The following PSMD7 variants were observed in gnomAD, a reference collection of about 807,000 sequenced individuals.
PSMD7 encodes the protein proteasome 26S subunit, non-ATPase 7.
A neutral mutation model predicts 36.4 loss-of-function variants in PSMD7; 13 were observed. The ratio of observed to expected loss-of-function variants is 0.36; its 90% CI spans 0.23 to 0.57. The LOEUF (loss-of-function observed/expected upper bound fraction) is 0.57. Among genes scored for constraint, PSMD7 ranks in the 20% least tolerant of loss-of-function variants. PSMD7 has a pLI of 0.83. For missense variants in PSMD7, 298 were observed against 393.6 expected (o/e 0.76, Z 2.06); for synonymous variants, 186 against 151.0 (o/e 1.23, Z -1.70).
chr16:74,301,360 T>C (rs955976922), intron 3 of PSMD7, among the ~76,000 whole-genome samples, 195 bp from the exon 4 acceptor site: 1 of 151,862 alleles, frequency 6.6e-6, no homozygotes. Flanking sequence ...GGAAATAACC[T>C]CTCATTGCGG....
At chr16:74,300,611 C>A (rs554704819) in intron 2 of PSMD7, 59 of 245,488 alleles carry the variant, frequency 2.4e-4, no homozygotes, top group African/African-American at 1.3e-3. Context: ...TGAATCCTTA[C>A]AAGAACGTAC....
intron 2 of PSMD7, 151 bp downstream of exon 2, chr16:74,300,357 T>A: frequency 1.5e-6 from 1 of 672,780 alleles, no homozygotes; most frequent in South Asian, 1.9e-5. Flanking sequence ...GATTGCACAC[T>A]AGACCAGACA....
At chr16:74,298,281 T>C (rs866852306) in intron 1 of PSMD7, among the ~76,000 whole-genome samples, 1 of 152,242 alleles carries the variant, frequency 6.6e-6, no homozygotes, top group East Asian at 1.9e-4. Context: ...CTCTTGGCTT[T>C]GGAGTTGTTC....
At chr16:74,304,748 GGA>G (rs2034182309) in intron 6 of PSMD7, 1 of 179,932 alleles carries the variant, frequency 5.6e-6, no homozygotes, top group African/African-American at 2.4e-5. Context: ...CCCATTTTCT[GGA>G]GAGAATCTTC....
At chr16:74,299,018 C>A (rs528031895) in intron 1 of PSMD7, among the ~76,000 whole-genome samples, 3 of 150,962 alleles carry the variant, frequency 2.0e-5, no homozygotes, top group Non-Finnish European at 4.4e-5. Context: ...CTTACCCCCC[C>A]ACCCCCAAAA....
At chr16:74,304,437 G>A in intron 6 of PSMD7, 43 bp downstream of exon 6, 1 of 1,551,462 alleles carries the variant, frequency 6.4e-7, no homozygotes, top group Non-Finnish European at 8.9e-7. Flanking sequence ...CTGCCCGAGA[G>A]GTCACACAGT....
intron 1 of PSMD7, chr16:74,299,658 T>C (rs1305460062): frequency 2.3e-6 from 1 of 426,822 alleles, no homozygotes. Flanking sequence ...CCTCTCGAAG[T>C]GCTGGGATTA....
chr16:74,301,686 ATTT>A (rs749922941), intron 4 of PSMD7, 34 bp downstream of exon 4: 1 of 1,560,950 alleles, frequency 6.4e-7, no homozygotes, highest in African/African-American at 1.4e-5. Context: ...CTCTTGAATG[ATTT>A]TTTTTGCCAG....
intron 1 of PSMD7, among the ~76,000 whole-genome samples, chr16:74,297,241 C>T (rs1427878839): frequency 1.3e-5 from 2 of 152,256 alleles, no homozygotes; most frequent in Admixed American, 6.5e-5. Context: ...TACAGAGTTC[C>T]CTTTCCGAGT....
At chr16:74,298,524 C>T (rs1369741010) in intron 1 of PSMD7, among the ~76,000 whole-genome samples, 1 of 152,174 alleles carries the variant, frequency 6.6e-6, no homozygotes, top group Non-Finnish European at 1.5e-5. Context: ...CCATGGGATA[C>T]TAGGGGCAGG....
chr16:74,301,597 T>C lies in PSMD7; in HGVS notation c.302T>C (p.Leu101Pro). 1.2e-6 allele frequency: 2 copies of C among 1,613,918 alleles called. No individual in the cohort carries two copies. Among genetic ancestry groups the C allele is most frequent in the South Asian group, 1.1e-5 (1 of 91,074 alleles). Residue 101 changes from leucine to proline, a missense_variant, in exon 4 of 7, where the codon CTA becomes CCA. Coordinates refer to ENST00000219313, the MANE Select transcript of PSMD7 (RefSeq NM_002811.5). ...GGCTGGTACCACACAGGCCCTAAAC[T>C]ACACAAGAATGACATTGCCATCAAC... The part of the protein sequence containing the change: ...IVGWYHTGPK[L>P]HKNDIAINEL...
chr16:74,306,155 T>A lies in PSMD7; in HGVS notation c.*422T>A, dbSNP rs1314297164. ...TTATGTTCTCTGGTAACACGTAGAG[T>A]TCAGACCCTTCTGAACTCTGTTGAT... On this transcript the variant is annotated 3_prime_UTR_variant, in exon 7 of 7. Coordinates refer to ENST00000219313, the MANE Select transcript of PSMD7 (RefSeq NM_002811.5). The A allele has an allele frequency of 6.5e-6, 1 of 154,564 alleles. No individual in the cohort carries two copies. The highest frequency in any genetic ancestry group is 1.9e-4 in the East Asian group (1 of 5,256). 9.6% of individuals were successfully genotyped at this position (154,564 alleles called of 1,614,324 possible).
At chr16:74,300,426 TTATAGTGCAAGAGCTGC>T in intron 2 of PSMD7, 1 of 566,556 alleles carries the variant, frequency 1.8e-6, no homozygotes, top group East Asian at 3.0e-5. Context: ...CTCTCTGCCA[TTATAGTGCAAGAGCTGC>T]TATAGACAAC....
intron 5 of PSMD7, among the ~76,000 whole-genome samples, chr16:74,302,758 T>C (rs1266615069): frequency 6.6e-6 from 1 of 152,144 alleles, no homozygotes; most frequent in African/African-American, 2.4e-5. Flanking sequence ...AACCAAGAAA[T>C]CCAAATTCCC....
At position 74,297,002 on chromosome 16, in the gene PSMD7, C is replaced by G. The variant is rs1265400374; in HGVS notation, c.74+14C>G. The G allele has an allele frequency of 6.2e-7, 1 of 1,608,930 alleles. No homozygotes were observed. The highest frequency in any genetic ancestry group is 8.5e-7 in the Non-Finnish European group (1 of 1,178,388). On this transcript the variant is annotated intron_variant, in intron 1 of 6. Coordinates refer to ENST00000219313, the MANE Select transcript of PSMD7 (RefSeq NM_002811.5). Reference sequence around the variant, plus strand: ...TCATTTCAACCGGTGAGCGAGCGCCCTATAGCTGGGCCGGCGGCGCAGCCG... The same window carrying G: ...TCATTTCAACCGGTGAGCGAGCGCCGTATAGCTGGGCCGGCGGCGCAGCCG...
intron 5 of PSMD7, among the ~76,000 whole-genome samples, chr16:74,303,324 A>G (rs537079084): frequency 2.6e-5 from 4 of 152,316 alleles, no homozygotes; most frequent in Admixed American, 2.6e-4. Context: ...GACTTTCCCA[A>G]GGTCTTGGAG....
intron 1 of PSMD7, 97 bp downstream of exon 1, chr16:74,297,085 C>T (rs1299708713): frequency 3.8e-6 from 5 of 1,310,760 alleles, no homozygotes; most frequent in African/African-American, 1.5e-5. Context: ...GCTGGGGACG[C>T]AGATAGGGCG....
chr16:74,299,949 C>G (rs1296002984), intron 1 of PSMD7, among the ~76,000 whole-genome samples, 166 bp from the exon 2 acceptor site: 1 of 152,166 alleles, frequency 6.6e-6, no homozygotes. Flanking sequence ...TGAATTACCC[C>G]TTATAGTTAA....
At chr16:74,300,625 T>C (rs954868743) in intron 2 of PSMD7, 11 of 244,878 alleles carry the variant, frequency 4.5e-5, no homozygotes, top group Non-Finnish European at 6.4e-5. Context: ...AACGTACCCA[T>C]GTATTACTTT....
Sources: allele counts gnomAD v4.1 joint callset (sites outside exome capture counted in the v4.1 genomes callset), GRCh38; gene constraint gnomAD v4.1.1; transcripts MANE v1.5; gene names NCBI Gene and HGNC (gene_info 2026-07-23, HGNC 2026-07-21).